The following EMID1 variants were observed in gnomAD, a reference collection of about 807,000 sequenced individuals.
The protein encoded by EMID1 is EMI domain containing 1.
EMID1 carries 40 observed loss-of-function variants against 60.6 expected under a neutral mutation model. The ratio of observed to expected loss-of-function variants is 0.66; its 90% CI spans 0.51 to 0.86. The LOEUF (loss-of-function observed/expected upper bound fraction) is 0.86. Among genes scored for constraint, EMID1 ranks in the 40% least tolerant of loss-of-function variants. EMID1 has a pLI of 0.00. For synonymous variants in EMID1, 242 were observed against 231.0 expected, an observed-to-expected ratio of 1.05 and a Z score of -0.43; for missense variants, 585 against 597.1, an observed-to-expected ratio of 0.98 and a Z score of 0.21.
intron 3 of EMID1, among the ~76,000 whole-genome samples, chr22:29,224,900 T>C (rs112565709): frequency 1.1e-4 from 17 of 151,982 alleles, no homozygotes; most frequent in African/African-American, 3.9e-4. Context: ...CTCAGCCTCA[T>C]CTATGGCCCC....
intron 3 of EMID1, among the ~76,000 whole-genome samples, chr22:29,217,862 C>G (rs953971511): frequency 1.3e-5 from 2 of 152,214 alleles, no homozygotes; most frequent in Non-Finnish European, 2.9e-5. Flanking sequence ...CAAGCTGCTT[C>G]TCCTGCTGGT....
chr22:29,220,769 G>A (rs2040263396), intron 3 of EMID1, among the ~76,000 whole-genome samples: 1 of 152,106 alleles, frequency 6.6e-6, no homozygotes, highest in Admixed American at 6.5e-5. Context: ...CTCCTCTCTG[G>A]ACCTCAGTGT....
chr22:29,245,003 A>C (rs965846513), intron 13 of EMID1, among the ~76,000 whole-genome samples: 1 of 152,110 alleles, frequency 6.6e-6, no homozygotes, highest in Admixed American at 6.5e-5. Context: ...GGTGGCACCC[A>C]GTGCCTGCCT....
At chr22:29,209,412 T>C (rs2039799809) in intron 1 of EMID1, among the ~76,000 whole-genome samples, 2 of 152,212 alleles carry the variant, frequency 1.3e-5, no homozygotes, top group South Asian at 4.1e-4. Context: ...ATCCAGCTCT[T>C]GGGCAGCTTA....
At chr22:29,211,066 C>T (rs529144541) in intron 1 of EMID1, among the ~76,000 whole-genome samples, 9 of 152,262 alleles carry the variant, frequency 5.9e-5, no homozygotes, top group Non-Finnish European at 8.8e-5. Flanking sequence ...AGCCTATATG[C>T]GTCCATGCGA....
chr22:29,224,992 C>T (rs750753169), intron 3 of EMID1, 141 bp from the exon 4 acceptor site: 307 of 786,570 alleles, frequency 3.9e-4, no homozygotes, highest in Non-Finnish European at 4.5e-4. Flanking sequence ...CTGTTTGACC[C>T]AGATACATTG....
At position 29,259,053 on chromosome 22, in the gene EMID1, C is replaced by A. The variant is rs1022950250; in HGVS notation, c.*109C>A. On this transcript the variant is annotated 3_prime_UTR_variant, in exon 15 of 15. Transcript: ENST00000334018. ...CCATATTTATTAATGTCCTCAGGGT[C>A]CCTTCTGCCATCTAGGCCTTAGGGG... The A allele has an allele frequency of 7.2e-5, 107 of 1,493,816 alleles. No homozygotes were observed. The highest frequency in any genetic ancestry group is 8.9e-5 in the Non-Finnish European group (99 of 1,116,724). 92.5% of individuals were successfully genotyped at this position (1,493,816 alleles called of 1,614,324 possible).
At chr22:29,218,267 G>A (rs982792501) in intron 3 of EMID1, among the ~76,000 whole-genome samples, 1 of 152,220 alleles carries the variant, frequency 6.6e-6, no homozygotes. Context: ...CTCAAGAAAC[G>A]GACCTTGAGT....
At chr22:29,215,854 T>C (rs975002364) in intron 3 of EMID1, among the ~76,000 whole-genome samples, 1 of 152,104 alleles carries the variant, frequency 6.6e-6, no homozygotes, top group Non-Finnish European at 1.5e-5. Context: ...CAGAAGAATT[T>C]TATATATGCT....
chr22:29,228,158 A>AAT (rs1288042216), intron 5 of EMID1, among the ~76,000 whole-genome samples: 2 of 141,976 alleles, frequency 1.4e-5, no homozygotes, highest in African/African-American at 2.6e-5. Context: ...CTCCATCTCA[A>AAT]AAAAAAAAAA....
intron 1 of EMID1, among the ~76,000 whole-genome samples, chr22:29,206,539 TTTTG>T (rs2039663156): frequency 6.6e-6 from 1 of 152,204 alleles, no homozygotes; most frequent in Admixed American, 6.5e-5. Flanking sequence ...TTGTTTTGTT[TTTTG>T]TTTGTTTGTT....
intron 13 of EMID1, among the ~76,000 whole-genome samples, chr22:29,249,587 ATTATTTATTTATTTATTTATTTAT>A (rs140494856): frequency 2.9e-5 from 4 of 139,502 alleles, no homozygotes; most frequent in African/African-American, 5.4e-5. Flanking sequence ...AAATACCTTT[ATTATTTATTTATTTATTTATTTAT>A]TTATTTATTT....
chr22:29,210,857 G>C (rs897928555), intron 1 of EMID1, among the ~76,000 whole-genome samples: 57 of 152,176 alleles, frequency 3.7e-4, no homozygotes, highest in Admixed American at 3.6e-3. Flanking sequence ...GTGTGTGTGT[G>C]AGGGCAGATG....
chr22:29,210,315 G>A (rs1429498517), intron 1 of EMID1, among the ~76,000 whole-genome samples: 3 of 149,800 alleles, frequency 2.0e-5, no homozygotes, highest in African/African-American at 7.4e-5. Flanking sequence ...GTGCAATGGC[G>A]CGATCTTGGC....
chr22:29,244,107 T>A (rs1486655322), intron 13 of EMID1, among the ~76,000 whole-genome samples: 1 of 152,160 alleles, frequency 6.6e-6, no homozygotes, highest in African/African-American at 2.4e-5. Context: ...GACTCCTCTA[T>A]ACTTAAAGGA....
At chr22:29,237,870 A>AT (rs959089529) in intron 12 of EMID1, among the ~76,000 whole-genome samples, 1 of 144,352 alleles carries the variant, frequency 6.9e-6, no homozygotes, top group Admixed American at 6.8e-5. Flanking sequence ...AACTACCTTT[A>AT]TTTTTTCCCA....
chr22:29,226,030 A>G (rs1358481255), intron 4 of EMID1, among the ~76,000 whole-genome samples: 1 of 151,038 alleles, frequency 6.6e-6, no homozygotes, highest in Non-Finnish European at 1.5e-5. Context: ...CTGCCCAGGC[A>G]GGAAGCAACA....
intron 13 of EMID1, among the ~76,000 whole-genome samples, chr22:29,252,789 G>A (rs2041573690): frequency 6.6e-6 from 1 of 152,162 alleles, no homozygotes; most frequent in Non-Finnish European, 1.5e-5. Context: ...GTACTGCTAA[G>A]AGGAGAGGGC....
chr22:29,215,666 C>A, intron 3 of EMID1, 36 bp downstream of exon 3: 2 of 1,558,924 alleles, frequency 1.3e-6, no homozygotes, highest in Non-Finnish European at 1.8e-6. Flanking sequence ...AGCCCTGCGA[C>A]AGCAGGCCAG....
Sources: allele counts gnomAD v4.1 joint callset (sites outside exome capture counted in the v4.1 genomes callset), GRCh38; gene constraint gnomAD v4.1.1; transcripts MANE v1.5; gene names NCBI Gene and HGNC (gene_info 2026-07-23, HGNC 2026-07-21).